Variants in PTX4 observed in about 807,000 individuals in gnomAD.
PTX4 encodes pentraxin-4.
A neutral mutation model predicts 19.1 loss-of-function variants in PTX4; 23 were observed. That is an observed-to-expected ratio of 1.20 (90% CI 0.87 to 1.70). The LOEUF (loss-of-function observed/expected upper bound fraction) is 1.70, where lower values mean the gene tolerates loss of function less well. Ranked by LOEUF, PTX4 falls within the 40% of genes most tolerant of loss-of-function variation. The pLI, the probability that PTX4 is intolerant of heterozygous loss-of-function variation, is 0.00. For synonymous variants in PTX4, 317 were observed against 279.6 expected (o/e 1.13, Z -1.33); for missense variants, 678 against 610.5 (o/e 1.11, Z -1.17).
rs1164775927 is a variant in PTX4, at chr16:1,487,965, C to T, written c.147G>A (p.Arg49=). ...ERLRRLEEQF[R]RFQEVTWTHL... The stretch of plus-strand genomic sequence containing the variant: ...GTGTCCAGGTCACCTCCTGGAATCT[C>T]CGGAACTGTAAGGAGGACACGGTGA... Residue 49 remains arginine (R), a synonymous_variant, in exon 2 of 3, where the codon CGG becomes CGA. Coordinates refer to ENST00000447419, the MANE Select transcript of PTX4 (RefSeq NM_001328608.2). 6.3e-7 allele frequency: 1 copy of T among 1,578,036 alleles called. No individual in the cohort carries two copies. The highest frequency in any genetic ancestry group is 2.3e-5 in the East Asian group (1 of 44,318).
chr16:1,488,548 C>T, intron 1 of PTX4: 4 of 1,335,734 alleles, frequency 3.0e-6, no homozygotes, highest in African/African-American at 2.9e-5. Flanking sequence ...CACCTGACCC[C>T]CACATGTTAT....
chr16:1,488,481 C>G (rs758919885), intron 1 of PTX4: 3 of 1,608,914 alleles, frequency 1.9e-6, no homozygotes, highest in Non-Finnish European at 2.5e-6. Flanking sequence ...ACTACCCGGC[C>G]CCCATGGCCC....
At chr16:1,488,401 G>A in intron 1 of PTX4, 2 of 1,613,728 alleles carry the variant, frequency 1.2e-6, no homozygotes, top group Non-Finnish European at 1.7e-6. Flanking sequence ...CCGCGTGGGA[G>A]TCCGGGAGGC....
At position 1,487,697 on chromosome 16, in the gene PTX4, C is replaced by T; in HGVS notation, c.415G>A (p.Glu139Lys). ...CTCTGGGCCTTGTGTGCCTTCCTTT[C>T]CCGGGCCCGCTGCTGGCTCCTCTCG... ...LGERSQQRAR[E>K]RKAHKAQRDA... The change falls in exon 2 of 3, where the codon GAA (glutamate) becomes AAA (lysine). Residue 139 changes from glutamate (E) to lysine (K), a missense_variant. Coordinates refer to ENST00000447419, the MANE Select transcript of PTX4 (RefSeq NM_001328608.2). The T allele has an allele frequency of 2.5e-6, 4 of 1,610,972 alleles. No individual in the cohort carries two copies. Among genetic ancestry groups the T allele is most frequent in the Non-Finnish European group, 1.7e-6 (2 of 1,178,468 alleles).
Position 1,486,077 on chromosome 16 carries a change from C to T in PTX4, c.1299G>A (p.Ala433=), listed in dbSNP as rs753967681. 15 of 1,614,086 alleles carry T rather than the reference C, an allele frequency of 9.3e-6. No individual in the cohort carries two copies. The highest frequency in any genetic ancestry group is 3.3e-5 in the South Asian group (3 of 91,094). The change falls in exon 3 of 3, where the codon GCG becomes GCA. Residue 433 remains alanine, a synonymous_variant. Transcript: ENST00000447419. ...SMSGLAIWDR[A]LVPGEVANLA... is the part of the protein sequence containing the mutation. ...GGTTTGCAACTTCCCCGGGAACCAG[C>T]GCCCGATCCCAGATAGCCAAGCCAG...
At chr16:1,488,220 C>T (rs888081907) in intron 1 of PTX4, 8 of 1,416,488 alleles carry the variant, frequency 5.6e-6, no homozygotes, top group Middle Eastern at 2.4e-4. Flanking sequence ...GGGCTCTGAT[C>T]CCCACCGCTC....
At chr16:1,488,258 C>T (rs1370599523) in intron 1 of PTX4, 38 of 1,554,764 alleles carry the variant, frequency 2.4e-5, no homozygotes, top group East Asian at 4.5e-5. Flanking sequence ...AAGTCACTTT[C>T]CCTCGTGATT....
In PTX4 at chr16:1,486,303, C is replaced by T. The variant is rs201447753; in HGVS notation, c.1073G>A (p.Gly358Asp). The change falls in exon 3 of 3, where the codon GGC (glycine) becomes GAC (aspartate). Residue 358 changes from glycine to aspartate, a missense_variant. Transcript: ENST00000447419. Reference sequence around the variant, plus strand: ...GATGACACAGATGTGGTGCCACTGGCCGTCCAGCAGCAGCTGCAAGGGCAG... The same window carrying T: ...GATGACACAGATGTGGTGCCACTGGTCGTCCAGCAGCAGCTGCAAGGGCAG... ...RELPLQLLLD[G>D]QWHHICVIWT... 131 of 1,613,558 alleles carry T rather than the reference C, an allele frequency of 8.1e-5. No homozygotes were observed. The highest frequency in any genetic ancestry group is 1.8e-4 in the Admixed American group (11 of 60,000).
chr16:1,487,213 G>T, intron 2 of PTX4, 103 bp downstream of exon 2: 2 of 1,140,644 alleles, frequency 1.8e-6, no homozygotes, highest in African/African-American at 1.6e-5. Flanking sequence ...CCCATCTCCC[G>T]GCCCCTAACT....
intron 2 of PTX4, 139 bp downstream of exon 2, chr16:1,487,177 C>A (rs1404952862): frequency 2.5e-6 from 2 of 792,392 alleles, no homozygotes; most frequent in East Asian, 3.2e-5. Context: ...GGTGGGCCAC[C>A]CCCCCCGATG....
chr16:1,488,309 A>G (rs756432677), intron 1 of PTX4: 3 of 1,605,966 alleles, frequency 1.9e-6, no homozygotes, highest in Admixed American at 1.7e-5. Flanking sequence ...GGGTGGCCTC[A>G]TGAGTGCTTT....
Position 1,486,251 on chromosome 16 carries a change from C to A in PTX4, c.1125G>T (p.Trp375Cys). 1 of 1,612,440 alleles carries A rather than the reference C, an allele frequency of 6.2e-7. No individual in the cohort carries two copies. The highest frequency in any genetic ancestry group is 8.5e-7 in the Non-Finnish European group (1 of 1,179,352). Residue 375 changes from tryptophan (W) to cysteine (C), a missense_variant, in exon 3 of 3, where the codon TGG becomes TGT. By Grantham distance (215) the Trp-to-Cys change is radical (BLOSUM62 -2). Transcript: ENST00000447419. ...CCACCAGCCTGCGATCCACGTGGAG[C>A]CAGTACCTGCCCTGGGTGGACGTCC... ...VIWTSTQGRYWLHVDRRLVAT... is the reference protein window; with the variant it reads ...VIWTSTQGRYCLHVDRRLVAT...
In PTX4 at chr16:1,485,906, C is replaced by T; in HGVS notation, c.*33G>A. ...CGGAATGTGGATGGGGGCATGCTGC[C>T]CTTGCTGGCCTCAGCCCCCGTGCGG... On this transcript the variant is annotated 3_prime_UTR_variant, in exon 3 of 3. Transcript: ENST00000447419. The T allele has an allele frequency of 6.4e-7, 1 of 1,569,274 alleles. No individual in the cohort carries two copies. Among genetic ancestry groups the T allele is most frequent in the African/African-American group, 1.3e-5 (1 of 74,408 alleles).
At position 1,487,587 on chromosome 16, in the gene PTX4, C is replaced by T; in HGVS notation, c.525G>A (p.Leu175=). ...CTGCAGTGCCAGGGTGGGCCACGGG[C>T]AGCCGCCCCTCCAGAGCAGCCAGCC... ...GARLAALEGR[L]PVAHPGTAAL... The change falls in exon 2 of 3, where the codon CTG becomes CTA. Residue 175 remains leucine (L), a synonymous_variant. Transcript: ENST00000447419. 1.3e-6 allele frequency: 2 copies of T among 1,554,742 alleles called. No individual in the cohort carries two copies. Among genetic ancestry groups the T allele is most frequent in the Non-Finnish European group, 1.7e-6 (2 of 1,150,258 alleles).
chr16:1,485,922 C>G lies in PTX4; in HGVS notation c.*17G>C. ...GCATGCTGCCCTTGCTGGCCTCAGC[C>G]CCCGTGCGGCTCGGCCTCAGGGACA... On this transcript the variant is annotated 3_prime_UTR_variant, in exon 3 of 3. Coordinates refer to ENST00000447419, the MANE Select transcript of PTX4 (RefSeq NM_001328608.2). The G allele has an allele frequency of 6.3e-7, 1 of 1,585,766 alleles. No homozygotes were observed. Among genetic ancestry groups the G allele is most frequent in the Non-Finnish European group, 8.6e-7 (1 of 1,167,914 alleles).
At position 1,487,631 on chromosome 16, in the gene PTX4, C is replaced by T. The variant is rs760217332; in HGVS notation, c.481G>A (p.Val161Ile). 41 of 1,578,148 alleles carry T rather than the reference C, an allele frequency of 2.6e-5. No homozygotes were observed. The South Asian group carries it at 3.8e-4, about 15-fold the overall frequency. The stretch of plus-strand genomic sequence containing the variant: ...GCCAGCCTGGCGCCCTGGCTGTGGA[C>T]GAGGCCCTCCAGGCGTGCCAGTGAG... ...QDSLARLEGLVHSQGARLAAL... is the reference protein window; with the variant it reads ...QDSLARLEGLIHSQGARLAAL... Residue 161 changes from valine (V) to isoleucine (I), a missense_variant, in exon 2 of 3, where the codon GTC becomes ATC. Transcript: ENST00000447419.
chr16:1,488,509 C>G, intron 1 of PTX4: 1 of 1,584,522 alleles, frequency 6.3e-7, no homozygotes, highest in Non-Finnish European at 8.6e-7. Flanking sequence ...CCCTGACTCC[C>G]TTCCAGACCC....
chr16:1,488,924 A>C lies in PTX4; in HGVS notation c.-15T>G, dbSNP rs1567285186. 1 of 686,478 alleles carries C rather than the reference A, an allele frequency of 1.5e-6. No individual in the cohort carries two copies. Among genetic ancestry groups the C allele is most frequent in the Middle Eastern group, 2.4e-4 (1 of 4,248 alleles). 42.5% of individuals were successfully genotyped at this position (686,478 alleles called of 1,614,324 possible). On this transcript the variant is annotated 5_prime_UTR_variant, in exon 1 of 3. Transcript: ENST00000447419. ...GAGCAACCCATCCGGAGAGACGGCA[A>C]GGCCCCAGCAGTCTCCCTCCAGCCG...
chr16:1,487,362 T>TG lies in PTX4; in HGVS notation c.749dup (p.Asp252ArgfsTer71), dbSNP rs751455004. ...ACCATGCCTGCTGCCGAGGGTCTTT[T>TG]GGGGCAGTCCCACTGAGTACCCGAT... On this transcript the variant is annotated frameshift_variant, in exon 2 of 3. Coordinates refer to ENST00000447419, the MANE Select transcript of PTX4 (RefSeq NM_001328608.2). LOFTEE classifies it low-confidence loss of function (END_TRUNC). The TG allele has an allele frequency of 1.3e-6, 2 of 1,558,914 alleles. No homozygotes were observed. Among genetic ancestry groups the TG allele is most frequent in the Admixed American group, 4.0e-5 (2 of 49,822 alleles).
Sources: allele counts gnomAD v4.1 joint callset, GRCh38; gene constraint gnomAD v4.1.1; transcripts MANE v1.5; gene names NCBI Gene and HGNC (gene_info 2026-07-23, HGNC 2026-07-21).